Variants in ZNF782 observed in about 807,000 individuals in gnomAD.
ZNF782 encodes zinc finger protein 782.
ZNF782 carries 12 observed loss-of-function variants against 13.0 expected under a neutral mutation model. That is an observed-to-expected ratio of 0.92 (90% CI 0.59 to 1.50). The LOEUF (loss-of-function observed/expected upper bound fraction) is 1.50. ZNF782 is among the 40% of genes most tolerant of loss of function. The pLI is 0.00. For missense variants in ZNF782, 770 were observed against 822.9 expected, an observed-to-expected ratio of 0.94 and a Z score of 0.79; for synonymous variants, 284 against 283.0, an observed-to-expected ratio of 1.00 and a Z score of -0.04.
chr9:96,910,662 A>T, the ZNF782 span, among the ~76,000 whole-genome samples: 10 of 150,938 alleles, frequency 6.6e-5, no homozygotes, highest in African/African-American at 2.4e-4. Context: ...TTTGAGGCAG[A>T]GTCTTGCTCT....
chr9:96,827,254 C>G, intron 4 of ZNF782, 73 bp from the exon 5 acceptor site: 1 of 1,129,126 alleles, frequency 8.9e-7, no homozygotes, highest in African/African-American at 1.6e-5. Flanking sequence ...GAAGAAGGTA[C>G]AGCTTCAGAA....
chr9:96,824,504 A>G (rs1468194159), intron 5 of ZNF782, among the ~76,000 whole-genome samples: 1 of 152,072 alleles, frequency 6.6e-6, no homozygotes, highest in Non-Finnish European at 1.5e-5. Flanking sequence ...CAAGACAAGG[A>G]TGACCTCTCT....
At chr9:96,910,108 A>C in the ZNF782 span, 1 of 661,536 alleles carries the variant, frequency 1.5e-6, no homozygotes, top group African/African-American at 1.8e-5. Context: ...CCAGCTCTGA[A>C]ATCATTGCCA....
At chr9:96,894,761 T>G in the ZNF782 span, 1 of 152,198 alleles carries the variant, frequency 6.6e-6, no homozygotes, top group Non-Finnish European at 1.5e-5. Flanking sequence ...CAGGGCTCAC[T>G]CTATTGCCCA....
intron 5 of ZNF782, among the ~76,000 whole-genome samples, chr9:96,821,900 GT>G (rs1356728013): frequency 6.6e-6 from 1 of 152,134 alleles, no homozygotes; most frequent in East Asian, 1.9e-4. Flanking sequence ...TTCTGACCTC[GT>G]GATCTGCCCA....
In ZNF782 at chr9:96,820,157, A is replaced by G. The variant is rs547621242; in HGVS notation, c.245-379T>C. ...AAAAAAGATTACCAACATGAAGTAG[A>G]TAACAACAACAAAAATCAATGGATT... On this transcript the variant is annotated intron_variant, in intron 5 of 5. Transcript: ENST00000481138. 5.3e-5 allele frequency among the ~76,000 whole-genome samples: 8 copies of G among 152,346 alleles called. No homozygotes were observed. In the South Asian group the frequency reaches 1.7e-3, roughly 32 times the overall value.
At chr9:96,929,250 G>A in the ZNF782 span, among the ~76,000 whole-genome samples, 1 of 152,120 alleles carries the variant, frequency 6.6e-6, no homozygotes, top group Non-Finnish European at 1.5e-5. Flanking sequence ...AGATGCCTGG[G>A]GGAATACACC....
At chr9:96,877,482 C>T (rs925361087), upstream of ZNF782, among the ~76,000 whole-genome samples, 69 of 152,256 alleles carry the variant, frequency 4.5e-4, no homozygotes, top group African/African-American at 1.6e-3. Flanking sequence ...GGGTACCTGG[C>T]AGAGGGGGCT....
chr9:96,868,055 G>A (rs983056738), intron 1 of ZNF782, among the ~76,000 whole-genome samples: 1 of 152,106 alleles, frequency 6.6e-6, no homozygotes, highest in Non-Finnish European at 1.5e-5. Flanking sequence ...TTCTAACCTC[G>A]ATGTTTTCTT....
the ZNF782 span, among the ~76,000 whole-genome samples, chr9:96,930,661 C>A: frequency 2.7e-4 from 41 of 149,434 alleles, no homozygotes; most frequent in Middle Eastern, 6.8e-3. Context: ...GGGGACTCCA[C>A]CACTGCTTCT....
At chr9:96,906,498 T>TCCGA in the ZNF782 span, among the ~76,000 whole-genome samples, 1 of 151,040 alleles carries the variant, frequency 6.6e-6, no homozygotes, top group Non-Finnish European at 1.5e-5. Context: ...CCACCTCTGG[T>TCCGA]CCGATTAATT....
chr9:96,901,229 C>T, the ZNF782 span, among the ~76,000 whole-genome samples: 1 of 150,306 alleles, frequency 6.7e-6, no homozygotes, highest in Non-Finnish European at 1.5e-5. Context: ...TCATTACTCT[C>T]ATATGATGAA....
chr9:96,844,379 T>A (rs562200058), intron 4 of ZNF782, among the ~76,000 whole-genome samples: 1 of 152,182 alleles, frequency 6.6e-6, no homozygotes. Context: ...TAAATTGCAG[T>A]ATATACCCAC....
intron 4 of ZNF782, among the ~76,000 whole-genome samples, chr9:96,835,037 G>A (rs748672822): frequency 2.0e-5 from 3 of 152,220 alleles, no homozygotes; most frequent in South Asian, 2.1e-4. Context: ...AGATGGAAAT[G>A]AGGAAGCATT....
the ZNF782 span, among the ~76,000 whole-genome samples, chr9:96,930,806 C>T: frequency 5.3e-5 from 7 of 132,590 alleles, no homozygotes; most frequent in East Asian, 1.3e-3. Context: ...GCATGCTGGG[C>T]GTTATGTGTT....
At chr9:96,844,031 T>A (rs2118718667) in intron 4 of ZNF782, among the ~76,000 whole-genome samples, 1 of 152,306 alleles carries the variant, frequency 6.6e-6, no homozygotes, top group East Asian at 1.9e-4. Flanking sequence ...TCAATGTTGT[T>A]AGTCATCAGG....
intron 3 of ZNF782, 66 bp from the exon 4 acceptor site, chr9:96,845,082 A>T: frequency 6.3e-7 from 1 of 1,590,550 alleles, no homozygotes; most frequent in Non-Finnish European, 8.6e-7. Context: ...GTTTTCGGAA[A>T]CTAACTCATT....
At chr9:96,821,199 AAAG>A (rs1850405969) in intron 5 of ZNF782, among the ~76,000 whole-genome samples, 1 of 152,234 alleles carries the variant, frequency 6.6e-6, no homozygotes, top group Non-Finnish European at 1.5e-5. Context: ...ATATTCAGGA[AAAG>A]AAGGTTTTAC....
At chr9:96,837,566 T>C (rs1471034054) in intron 4 of ZNF782, among the ~76,000 whole-genome samples, 2 of 152,196 alleles carry the variant, frequency 1.3e-5, no homozygotes, top group African/African-American at 4.8e-5. Context: ...TTCCTTTTGC[T>C]AGGTTTAGGT....
Sources: allele counts gnomAD v4.1 joint callset (sites outside exome capture counted in the v4.1 genomes callset), GRCh38; gene constraint gnomAD v4.1.1; transcripts MANE v1.5; gene names NCBI Gene and HGNC (gene_info 2026-07-23, HGNC 2026-07-21).